CYB5R4: variants seen among roughly 807,000 people sequenced by gnomAD.
CYB5R4 encodes cytochrome b5 reductase 4.
A neutral mutation model predicts 70.2 loss-of-function variants in CYB5R4; 55 were observed. The observed-to-expected ratio is 0.78, with a 90% CI of 0.63 to 0.98. The LOEUF is 0.98. Ranked by LOEUF, CYB5R4 falls within the 50% of genes least tolerant of loss-of-function variation. The pLI is 0.00. For synonymous variants in CYB5R4, 197 were observed against 199.5 expected, an observed-to-expected ratio of 0.99 and a Z score of 0.11; for missense variants, 562 against 612.6, an observed-to-expected ratio of 0.92 and a Z score of 0.87.
At chr6:83,878,430 C>T (rs1020817549) in intron 2 of CYB5R4, among the ~76,000 whole-genome samples, 2 of 151,970 alleles carry the variant, frequency 1.3e-5, no homozygotes, top group African/African-American at 2.4e-5. Context: ...TCACTGCAAG[C>T]TCCGCCTCCC....
At chr6:83,871,007 A>C (rs1177283014) in intron 2 of CYB5R4, among the ~76,000 whole-genome samples, 35 of 104,680 alleles carry the variant, frequency 3.3e-4, no homozygotes, top group African/African-American at 1.4e-3. Flanking sequence ...ATGGAGTTTC[A>C]CTCTTGTCAC....
At chr6:83,956,175 G>C (rs2099472397) in intron 15 of CYB5R4, among the ~76,000 whole-genome samples, 1 of 152,136 alleles carries the variant, frequency 6.6e-6, no homozygotes, top group Admixed American at 6.5e-5. Flanking sequence ...TAAAATCTTT[G>C]AAGAGATTTA....
rs558382610 is a variant in CYB5R4, at chr6:83,873,131, GACATA to G, written c.229+8810_229+8814del. ...TTTGTGTGTGTTTCTCACTTTGAGT[GACATA>G]ACATAAATTAATTAAGAAATTATCA... On this transcript the variant is annotated intron_variant, in intron 2 of 15. Coordinates refer to ENST00000369681, the MANE Select transcript of CYB5R4 (RefSeq NM_016230.4). Among the ~76,000 whole-genome samples, 532 of 151,784 alleles carry G rather than the reference GACATA, an allele frequency of 3.5e-3. 2 individuals carry two copies. Among genetic ancestry groups the G allele is most frequent in the African/African-American group, 0.012 (505 of 41,368 alleles).
chr6:83,949,739 A>G (rs2099471231), intron 14 of CYB5R4, among the ~76,000 whole-genome samples: 1 of 152,200 alleles, frequency 6.6e-6, no homozygotes, highest in African/African-American at 2.4e-5. Context: ...GAATATCATT[A>G]GCAAATGGAA....
At chr6:83,929,705 A>G (rs1200530159) in intron 10 of CYB5R4, among the ~76,000 whole-genome samples, 1 of 152,190 alleles carries the variant, frequency 6.6e-6, no homozygotes, top group Non-Finnish European at 1.5e-5. Flanking sequence ...TCAGAAATCA[A>G]TAGATAATTG....
chr6:83,910,138 T>A, intron 4 of CYB5R4: 2 of 1,602,104 alleles, frequency 1.2e-6, no homozygotes, highest in Admixed American at 1.7e-5. Context: ...GAGACATTAC[T>A]TTCAAAGATT....
intron 5 of CYB5R4, 93 bp downstream of exon 5, chr6:83,914,541 CT>C (rs999965098): frequency 7.7e-6 from 9 of 1,165,396 alleles, no homozygotes; most frequent in South Asian, 5.2e-5. Context: ...AAATTTTTTT[CT>C]TTTTTTTCTT....
intron 14 of CYB5R4, among the ~76,000 whole-genome samples, chr6:83,954,848 GACCACAGGCACATGCC>G (rs2099472087): frequency 6.6e-6 from 1 of 151,456 alleles, no homozygotes; most frequent in African/African-American, 2.4e-5. Context: ...AAATAGCTAG[GACCACAGGCACATGCC>G]ACCACACCTG....
In CYB5R4 at chr6:83,961,020, G is replaced by T. The variant is rs2099473252; in HGVS notation, c.*1142G>T. 6.6e-6 allele frequency: 1 copy of T among 152,202 alleles called. No homozygotes were observed. Among genetic ancestry groups the T allele is most frequent in the East Asian group, 1.9e-4 (1 of 5,200 alleles). 9.4% of individuals were successfully genotyped at this position (152,202 alleles called of 1,614,324 possible). On this transcript the variant is annotated 3_prime_UTR_variant, in exon 16 of 16. Coordinates refer to ENST00000369681, the MANE Select transcript of CYB5R4 (RefSeq NM_016230.4). ...AATGTTTTCACAGAAATAGGGGATT[G>T]AAAGAGTCTCCAATTTCTCTGTAAA...
intron 15 of CYB5R4, among the ~76,000 whole-genome samples, chr6:83,958,994 C>T (rs770611685): frequency 3.9e-5 from 6 of 151,988 alleles, no homozygotes; most frequent in South Asian, 2.1e-4. Flanking sequence ...AAGATAGAAT[C>T]GTAGGGGAAT....
At chr6:83,898,362 T>G (rs2099462270) in intron 3 of CYB5R4, among the ~76,000 whole-genome samples, 2 of 152,310 alleles carry the variant, frequency 1.3e-5, no homozygotes, top group African/African-American at 4.8e-5. Context: ...TTTTGGTTAC[T>G]GTAGCCTTGT....
At chr6:83,893,452 CTT>C (rs1180222515) in intron 2 of CYB5R4, 68 bp from the exon 3 acceptor site, 20 of 878,526 alleles carry the variant, frequency 2.3e-5, no homozygotes, top group African/African-American at 3.5e-5. Flanking sequence ...TTTATTGAAA[CTT>C]ATATTTATAA....
chr6:83,910,792 T>A (rs2099464554), intron 4 of CYB5R4, among the ~76,000 whole-genome samples: 1 of 152,032 alleles, frequency 6.6e-6, no homozygotes, highest in South Asian at 2.1e-4. Flanking sequence ...GGGGAGAAAA[T>A]ATGAACTTCT....
chr6:83,909,095 G>A lies in CYB5R4; in HGVS notation c.412+5G>A. On this transcript the variant is annotated splice_donor_5th_base_variant and intron_variant, in intron 4 of 15. Coordinates refer to ENST00000369681, the MANE Select transcript of CYB5R4 (RefSeq NM_016230.4). ...TTAAACCTGCTGTTCTGAAAGGTAA[G>A]TGGTGCTGGTGCTAAACCAGCATGG... 6.2e-7 allele frequency: 1 copy of A among 1,613,100 alleles called. No homozygotes were observed. Among genetic ancestry groups the A allele is most frequent in the Non-Finnish European group, 8.5e-7 (1 of 1,179,158 alleles).
rs1482234025 is a variant in CYB5R4, at chr6:83,940,621, T to C, written c.1346+20T>C. The C allele has an allele frequency of 2.5e-6, 4 of 1,586,820 alleles. No individual in the cohort carries two copies. The highest frequency in any genetic ancestry group is 3.4e-6 in the Non-Finnish European group (4 of 1,170,288). ...TAAAAGGTATTAAACTGATATTAGCTCTGCGTTTAGTTATTTATACCTGGG... is the reference window on the plus strand; with the variant it reads ...TAAAAGGTATTAAACTGATATTAGCCCTGCGTTTAGTTATTTATACCTGGG... On this transcript the variant is annotated intron_variant, in intron 14 of 15. Transcript: ENST00000369681.
intron 1 of CYB5R4, among the ~76,000 whole-genome samples, chr6:83,861,079 TTGAC>T (rs1225865987): frequency 5.9e-5 from 9 of 152,242 alleles, no homozygotes; most frequent in Non-Finnish European, 1.3e-4. Flanking sequence ...AGCTAAATAC[TTGAC>T]TGAATAACAG....
intron 3 of CYB5R4, among the ~76,000 whole-genome samples, chr6:83,908,338 A>C (rs1384737574): frequency 6.6e-6 from 1 of 152,104 alleles, no homozygotes; most frequent in Non-Finnish European, 1.5e-5. Flanking sequence ...TTTGTTATGT[A>C]GGTAAAATGT....
chr6:83,940,551 T>C lies in CYB5R4; in HGVS notation c.1296T>C (p.Asp432=). The C allele has an allele frequency of 6.3e-7, 1 of 1,597,886 alleles. No individual in the cohort carries two copies. Among genetic ancestry groups the C allele is most frequent in the African/African-American group, 1.4e-5 (1 of 73,704 alleles). ...TGATGTTCTTCAATAAAACAGAAGA[T>C]GATATAATTTGGAGAAGCCAATTGG... is the stretch of plus-strand genomic sequence containing the variant. ...VKLMFFNKTE[D]DIIWRSQLEK... The change falls in exon 14 of 16, where the codon GAT becomes GAC. Residue 432 remains aspartate, a synonymous_variant. Coordinates refer to ENST00000369681, the MANE Select transcript of CYB5R4 (RefSeq NM_016230.4).
chr6:83,859,709 C>T lies in CYB5R4; in HGVS notation c.-74C>T, dbSNP rs1227311166. 6 of 1,538,384 alleles carry T rather than the reference C, an allele frequency of 3.9e-6. No individual in the cohort carries two copies. The South Asian group carries it at 4.6e-5, about 12-fold the overall frequency. On this transcript the variant is annotated 5_prime_UTR_variant, in exon 1 of 16. Transcript: ENST00000369681. ...GTCGGGGGCTTGGCCTCTGCCCGGC[C>T]ACAGAGCCGGAGCTGGAGGTGCTGT...
Sources: gnomAD v4.1 joint callset for allele counts (sites outside exome capture counted in the v4.1 genomes callset) on GRCh38, gnomAD v4.1.1 for gene constraint, MANE v1.5 for transcripts, NCBI Gene and HGNC (gene_info 2026-07-23, HGNC 2026-07-21) for gene names.